The following CDH10 variants were observed in gnomAD, a reference collection of about 807,000 sequenced individuals.
CDH10 encodes the protein cadherin-10.
CDH10 carries 30 observed loss-of-function variants against 73.1 expected under a neutral mutation model. The observed-to-expected ratio is 0.41, with a 90% CI of 0.31 to 0.56. The LOEUF (loss-of-function observed/expected upper bound fraction) is 0.56, where lower values mean the gene tolerates loss of function less well. Ranked by LOEUF, CDH10 falls within the 20% of genes least tolerant of loss-of-function variation. CDH10 has a pLI of 0.27. For synonymous variants in CDH10, 345 were observed against 348.2 expected, an observed-to-expected ratio of 0.99 and a Z score of 0.10; for missense variants, 815 against 973.7, an observed-to-expected ratio of 0.84 and a Z score of 2.17.
intron 5 of CDH10, among the ~76,000 whole-genome samples, chr5:24,534,679 A>G (rs562535738): frequency 6.6e-6 from 1 of 152,234 alleles, no homozygotes; most frequent in South Asian, 2.1e-4. Flanking sequence ...TAGTTCTTAT[A>G]ATTTGTCAAA....
intron 2 of CDH10, among the ~76,000 whole-genome samples, chr5:24,546,062 T>A (rs775079206): frequency 1.3e-5 from 2 of 152,116 alleles, no homozygotes; most frequent in East Asian, 3.9e-4. Flanking sequence ...CTCGAGGGAC[T>A]ATGGTCAAAG....
chr5:24,587,034 C>T (rs1424822650), intron 2 of CDH10, among the ~76,000 whole-genome samples: 2 of 150,952 alleles, frequency 1.3e-5, no homozygotes, highest in East Asian at 4.0e-4. Context: ...TTAGTAGAGA[C>T]GGGGTTTCAT....
At chr5:24,534,768 T>C (rs1218320658) in intron 5 of CDH10, among the ~76,000 whole-genome samples, 1 of 152,160 alleles carries the variant, frequency 6.6e-6, no homozygotes, top group East Asian at 1.9e-4. Context: ...AACATATTTA[T>C]TGTAAAATTA....
intron 2 of CDH10, among the ~76,000 whole-genome samples, chr5:24,584,652 G>C (rs1745924071): frequency 6.6e-6 from 1 of 150,564 alleles, no homozygotes; most frequent in African/African-American, 2.4e-5. Flanking sequence ...TTGTATTTTA[G>C]TAGAGACGGG....
chr5:24,616,112 C>T (rs1747118859), intron 1 of CDH10, among the ~76,000 whole-genome samples: 1 of 149,832 alleles, frequency 6.7e-6, no homozygotes, highest in East Asian at 1.9e-4. Flanking sequence ...AAATTTAGTT[C>T]TTTCAGAAAG....
At chr5:24,622,846 C>T (rs1010268140) in intron 1 of CDH10, among the ~76,000 whole-genome samples, 2 of 152,098 alleles carry the variant, frequency 1.3e-5, no homozygotes, top group Non-Finnish European at 2.9e-5. Context: ...AAAATAAAAT[C>T]TTCACTTAGT....
chr5:24,621,909 G>A (rs144918486), intron 1 of CDH10, among the ~76,000 whole-genome samples: 44 of 152,258 alleles, frequency 2.9e-4, no homozygotes, highest in African/African-American at 1.0e-3. Flanking sequence ...GAGACATGAC[G>A]GAATGTTATA....
chr5:24,530,529 C>A (rs961301403), intron 5 of CDH10, among the ~76,000 whole-genome samples: 2 of 151,746 alleles, frequency 1.3e-5, no homozygotes, highest in African/African-American at 4.8e-5. Flanking sequence ...AAATACCAGG[C>A]AGATAGATTT....
chr5:24,497,731 G>A (rs1289349286), intron 9 of CDH10, among the ~76,000 whole-genome samples: 1 of 152,068 alleles, frequency 6.6e-6, no homozygotes, highest in Non-Finnish European at 1.5e-5. Flanking sequence ...TGTGAAGATA[G>A]CACTCAAACC....
intron 2 of CDH10, among the ~76,000 whole-genome samples, chr5:24,572,237 A>T (rs555418358): frequency 6.6e-6 from 1 of 152,270 alleles, no homozygotes; most frequent in South Asian, 2.1e-4. Flanking sequence ...TCTTCTGGGA[A>T]TGCGGAATGA....
At chr5:24,547,150 TA>T (rs1744376171) in intron 2 of CDH10, among the ~76,000 whole-genome samples, 1 of 152,216 alleles carries the variant, frequency 6.6e-6, no homozygotes, top group South Asian at 2.1e-4. Context: ...GAACTGCTAA[TA>T]ATATAAATGC....
chr5:24,497,468 A>G (rs1189460268), intron 9 of CDH10, among the ~76,000 whole-genome samples: 1 of 152,074 alleles, frequency 6.6e-6, no homozygotes, highest in African/African-American at 2.4e-5. Flanking sequence ...TTTCAAGTTA[A>G]AAAAAATGAA....
rs544324869 is a variant in CDH10 at position 24,636,656 on chromosome 5, C to T, written c.-124+7938G>A. 1.2e-4 allele frequency among the ~76,000 whole-genome samples: 18 copies of T among 151,922 alleles called. No homozygotes were observed. In the East Asian group the frequency reaches 2.3e-3, roughly 20 times the overall value. On this transcript the variant is annotated intron_variant, in intron 1 of 11. Coordinates refer to ENST00000264463, the MANE Select transcript of CDH10 (RefSeq NM_006727.5). ...ATATAACAAACCTGCACATGTACCC[C>T]TGAACCTAAAATAAAAGTTAAAAAA...
At chr5:24,534,693 G>T (rs2111873431) in intron 5 of CDH10, among the ~76,000 whole-genome samples, 1 of 152,056 alleles carries the variant, frequency 6.6e-6, no homozygotes, top group East Asian at 1.9e-4. Flanking sequence ...TGTCAAATTA[G>T]ATTTTTTGTC....
intron 1 of CDH10, among the ~76,000 whole-genome samples, chr5:24,625,582 C>CATATATGAATATATGT (rs1747467693): frequency 7.5e-6 from 1 of 133,178 alleles, no homozygotes; most frequent in South Asian, 2.4e-4. Flanking sequence ...TACATATATT[C>CATATATGAATATATGT]ATATATATGA....
intron 1 of CDH10, among the ~76,000 whole-genome samples, chr5:24,597,999 T>G (rs371767847): frequency 6.6e-6 from 1 of 151,914 alleles, no homozygotes; most frequent in Non-Finnish European, 1.5e-5. Flanking sequence ...GATATAAAAG[T>G]CCCTAGAGAT....
intron 1 of CDH10, among the ~76,000 whole-genome samples, chr5:24,609,358 G>GT (rs755277554): frequency 1.3e-5 from 2 of 152,184 alleles, no homozygotes; most frequent in Non-Finnish European, 2.9e-5. Flanking sequence ...TGCGTGGAAA[G>GT]TAAGAAATGG....
At chr5:24,570,493 T>A (rs1263401312) in intron 2 of CDH10, among the ~76,000 whole-genome samples, 1 of 152,058 alleles carries the variant, frequency 6.6e-6, no homozygotes, top group Non-Finnish European at 1.5e-5. Flanking sequence ...AGAAGGTGGG[T>A]GGAGGCTGTA....
intron 7 of CDH10, among the ~76,000 whole-genome samples, chr5:24,506,494 A>G (rs992751138): frequency 6.6e-6 from 1 of 152,142 alleles, no homozygotes; most frequent in Admixed American, 6.5e-5. Context: ...TGTCTCCTTC[A>G]CTCATAAAGC....
Sources: gnomAD v4.1 joint callset for allele counts (sites outside exome capture counted in the v4.1 genomes callset) on GRCh38, gnomAD v4.1.1 for gene constraint, MANE v1.5 for transcripts, NCBI Gene and HGNC (gene_info 2026-07-23, HGNC 2026-07-21) for gene names.